Variants in SORCS2 observed in about 807,000 individuals in gnomAD.
The protein encoded by SORCS2 is VPS10 domain-containing receptor SorCS2.
SORCS2 carries 100 observed loss-of-function variants against 141.6 expected under a neutral mutation model. That is an observed-to-expected ratio of 0.71 (90% CI 0.60 to 0.83). The LOEUF (loss-of-function observed/expected upper bound fraction) is 0.83, where lower values mean the gene tolerates loss of function less well. Among genes scored for constraint, SORCS2 ranks in the 40% least tolerant of loss-of-function variants. SORCS2 has a pLI of 0.00. For synonymous variants in SORCS2, 789 were observed against 676.9 expected (o/e 1.17, Z -2.57); for missense variants, 1,646 against 1,560.2 (o/e 1.05, Z -0.93).
chr4:7,222,392 C>T (rs1304567905), intron 1 of SORCS2, among the ~76,000 whole-genome samples: 1 of 152,202 alleles, frequency 6.6e-6, no homozygotes, highest in Non-Finnish European at 1.5e-5. Flanking sequence ...CGAACAGCCA[C>T]ATACTGTATG....
At chr4:7,363,384 A>T (rs1721713951) in intron 1 of SORCS2, among the ~76,000 whole-genome samples, 1 of 152,102 alleles carries the variant, frequency 6.6e-6, no homozygotes, top group African/African-American at 2.4e-5. Flanking sequence ...CACCACCGTC[A>T]TTGCTACCAA....
intron 3 of SORCS2, among the ~76,000 whole-genome samples, chr4:7,592,093 C>T (rs995131624): frequency 2.0e-5 from 3 of 152,136 alleles, no homozygotes; most frequent in Non-Finnish European, 2.9e-5. Flanking sequence ...GAGCTTCTCC[C>T]CTTTATACTT....
At chr4:7,240,242 G>C (rs1301424295) in intron 1 of SORCS2, among the ~76,000 whole-genome samples, 3 of 152,172 alleles carry the variant, frequency 2.0e-5, no homozygotes, top group Admixed American at 6.5e-5. Flanking sequence ...TGCGGGTGTT[G>C]CTTGCACGTA....
At chr4:7,554,914 C>G (rs1713993498) in intron 3 of SORCS2, among the ~76,000 whole-genome samples, 2 of 152,118 alleles carry the variant, frequency 1.3e-5, no homozygotes, top group African/African-American at 4.8e-5. Context: ...CTCAGGAGAG[C>G]TGAGGAAGTA....
chr4:7,697,974 C>T (rs1724820099), intron 12 of SORCS2, among the ~76,000 whole-genome samples: 1 of 152,160 alleles, frequency 6.6e-6, no homozygotes, highest in Non-Finnish European at 1.5e-5. Context: ...AGACCAGAGG[C>T]AATGGTGCTG....
At chr4:7,307,492 G>A (rs1470627659) in intron 1 of SORCS2, among the ~76,000 whole-genome samples, 1 of 152,216 alleles carries the variant, frequency 6.6e-6, no homozygotes. Flanking sequence ...GAGAGGAGGA[G>A]CAAATGCCTG....
At position 7,664,485 on chromosome 4, in the gene SORCS2, T is replaced by A; in HGVS notation, c.1071+14T>A. Reference sequence around the variant, plus strand: ...ATCTTCTTTAAGGTAAGGTTGCTTCTGGGGCTTTTGGAAATTGGCAACAGG... The same window carrying A: ...ATCTTCTTTAAGGTAAGGTTGCTTCAGGGGCTTTTGGAAATTGGCAACAGG... On this transcript the variant is annotated intron_variant, in intron 7 of 26. Coordinates refer to ENST00000507866, the MANE Select transcript of SORCS2 (RefSeq NM_020777.3). This position sits in a 1 kb window ranked among gnomAD's most constrained non-coding sequence, Gnocchi z 4.7. 1.3e-6 allele frequency: 2 copies of A among 1,564,844 alleles called. No individual in the cohort carries two copies. The highest frequency in any genetic ancestry group is 1.4e-5 in the African/African-American group (1 of 73,610).
At chr4:7,624,788 G>A (rs1196402277) in intron 3 of SORCS2, among the ~76,000 whole-genome samples, 2 of 152,174 alleles carry the variant, frequency 1.3e-5, no homozygotes, top group African/African-American at 4.8e-5. Flanking sequence ...AAGCAAACAG[G>A]CTTTTTAGCA....
chr4:7,424,749 G>T (rs182595727), intron 2 of SORCS2, among the ~76,000 whole-genome samples: 2 of 152,208 alleles, frequency 1.3e-5, no homozygotes, highest in African/African-American at 4.8e-5. Context: ...TGGGTGTTCT[G>T]CATGGGAGAT....
intron 3 of SORCS2, among the ~76,000 whole-genome samples, chr4:7,637,297 C>T (rs1027374846): frequency 1.4e-5 from 2 of 139,806 alleles, no homozygotes; most frequent in African/African-American, 5.5e-5. Flanking sequence ...TGCTCAGTCC[C>T]CTACATCAGC....
At chr4:7,510,575 CCCGGGG>C in intron 2 of SORCS2, among the ~76,000 whole-genome samples, 1 of 151,870 alleles carries the variant, frequency 6.6e-6, no homozygotes, top group Non-Finnish European at 1.5e-5. Context: ...GAAATGCGAC[CCCGGGG>C]CCAGCGGCTT....
At chr4:7,660,628 C>A (rs1473086353) in intron 5 of SORCS2, among the ~76,000 whole-genome samples, 2 of 152,156 alleles carry the variant, frequency 1.3e-5, no homozygotes, top group African/African-American at 4.8e-5. Context: ...TCCAGCAGAC[C>A]TGGGCAGGAG....
intron 4 of SORCS2, among the ~76,000 whole-genome samples, chr4:7,652,057 T>C (rs1327886979): frequency 6.6e-6 from 1 of 152,176 alleles, no homozygotes; most frequent in Non-Finnish European, 1.5e-5. Context: ...AACCAGTTTC[T>C]CATATGGAGA....
intron 2 of SORCS2, among the ~76,000 whole-genome samples, chr4:7,438,731 A>T (rs1376671446): frequency 6.6e-6 from 1 of 151,794 alleles, no homozygotes; most frequent in Non-Finnish European, 1.5e-5. Flanking sequence ...TTTTAAAAAA[A>T]GTTTATTTAA....
chr4:7,571,979 T>C (rs1301483008), intron 3 of SORCS2, among the ~76,000 whole-genome samples: 1 of 152,126 alleles, frequency 6.6e-6, no homozygotes, highest in Admixed American at 6.5e-5. Flanking sequence ...GGCACCAGGC[T>C]CCATCCTGGG....
rs776621448 is a variant in SORCS2 at position 7,718,184 on chromosome 4, G to C, written c.2424+1G>C. 1 of 1,608,996 alleles carries C rather than the reference G, an allele frequency of 6.2e-7. No individual in the cohort carries two copies. Among genetic ancestry groups the C allele is most frequent in the Non-Finnish European group, 8.5e-7 (1 of 1,179,006 alleles). ...CCTGTTTGTGGTGCGGCAGGAGCAG[G>C]TGAGTGAGCACCTCCCAGCAGGCTC... On this transcript the variant is annotated splice_donor_variant, in intron 18 of 26. Coordinates refer to ENST00000507866, the MANE Select transcript of SORCS2 (RefSeq NM_020777.3). LOFTEE classifies it high-confidence loss of function.
rs761522585 is a variant in SORCS2, at chr4:7,704,215, A to G, written c.1799A>G (p.Asn600Ser). Residue 600 changes from asparagine (N) to serine (S), a missense_variant, in exon 14 of 27, where the codon AAC (asparagine) becomes AGC (serine). Transcript: ENST00000507866. Reference protein sequence around the residue: ...VDEGLTWSTHNFTSTSVFVDG... With the variant: ...VDEGLTWSTHSFTSTSVFVDG... Reference sequence around the variant, plus strand: ...GAGGGCCTCACCTGGAGCACGCACAACTTCACCAGCACCTCGGTGTTTGTG... The same window carrying G: ...GAGGGCCTCACCTGGAGCACGCACAGCTTCACCAGCACCTCGGTGTTTGTG... 14 of 1,613,150 alleles carry G rather than the reference A, an allele frequency of 8.7e-6. No individual in the cohort carries two copies. The highest frequency in any genetic ancestry group is 5.1e-6 in the Non-Finnish European group (6 of 1,179,714).
At chr4:7,433,987 A>G (rs1219643353) in intron 2 of SORCS2, 42 of 1,613,672 alleles carry the variant, frequency 2.6e-5, no homozygotes, top group Non-Finnish European at 3.5e-5. Flanking sequence ...CACCACGTTC[A>G]TGCACACCTC....
chr4:7,418,705 C>CCG (rs1553859453), intron 2 of SORCS2, among the ~76,000 whole-genome samples: 1 of 103,274 alleles, frequency 9.7e-6, no homozygotes, highest in African/African-American at 4.0e-5. Context: ...ACAAATGACC[C>CCG]CCCCCCCCAC....
Sources: allele counts gnomAD v4.1 joint callset (sites outside exome capture counted in the v4.1 genomes callset), GRCh38; gene constraint gnomAD v4.1.1; non-coding constraint Gnocchi (gnomAD v3.1); transcripts MANE v1.5; gene names NCBI Gene and HGNC (gene_info 2026-07-23, HGNC 2026-07-21).